PNRC1: variants seen among roughly 807,000 people sequenced by gnomAD.
PNRC1 encodes the protein proline rich nuclear receptor coactivator 1.
PNRC1 carries 6 observed loss-of-function variants against 20.2 expected under a neutral mutation model. That is an observed-to-expected ratio of 0.30 (90% CI 0.16 to 0.59). The LOEUF is 0.59. Among genes scored for constraint, PNRC1 ranks in the 20% least tolerant of loss-of-function variants. The pLI, the probability that PNRC1 is intolerant of heterozygous loss-of-function variation, is 0.89. For synonymous variants in PNRC1, 202 were observed against 186.9 expected (o/e 1.08, Z -0.66); for missense variants, 488 against 430.2 (o/e 1.13, Z -1.19).
chr6:89,080,798 C>A lies in PNRC1; in HGVS notation c.-97C>A. 3 of 1,176,928 alleles carry A rather than the reference C, an allele frequency of 2.5e-6. No individual in the cohort carries two copies. Among genetic ancestry groups the A allele is most frequent in the Non-Finnish European group, 3.7e-6 (3 of 809,800 alleles). 72.9% of individuals were successfully genotyped at this position (1,176,928 alleles called of 1,614,324 possible). A position where few individuals can be genotyped will look rare whatever the true frequency, so the allele number is the denominator to read the frequency against. On this transcript the variant is annotated 5_prime_UTR_variant, in exon 1 of 2. Transcript: ENST00000336032. ...AGTCATGTTCCGCGATCTTCTCAGGCTCTCCTAGCAGCATCCATCGCCGCC... is the reference window on the plus strand; with the variant it reads ...AGTCATGTTCCGCGATCTTCTCAGGATCTCCTAGCAGCATCCATCGCCGCC...
Position 89,084,195 on chromosome 6 carries a change from A to G in PNRC1, c.983A>G (p.Ter328TrpextTer74). Residue 328 changes from the stop codon to tryptophan (W), a stop_lost, in exon 2 of 2, where the codon TAG becomes TGG. Coordinates refer to ENST00000336032, the MANE Select transcript of PNRC1 (RefSeq NM_006813.3). The part of the protein sequence containing the change: ...HLKTLLKVQT[*>W] Reference sequence around the variant, plus strand: ...AAAACGCTCCTCAAAGTTCAAACTTAGATTTCAGATTTCAGTATGTGTGTA... The same window carrying G: ...AAAACGCTCCTCAAAGTTCAAACTTGGATTTCAGATTTCAGTATGTGTGTA... The G allele has an allele frequency of 6.4e-7, 1 of 1,559,922 alleles. No homozygotes were observed. Among genetic ancestry groups the G allele is most frequent in the Non-Finnish European group, 8.7e-7 (1 of 1,153,374 alleles).
chr6:89,084,298 A>G lies in PNRC1; in HGVS notation c.*102A>G, dbSNP rs1768068051. On this transcript the variant is annotated 3_prime_UTR_variant, in exon 2 of 2. Transcript: ENST00000336032. Reference sequence around the variant, plus strand: ...GGAAATTTGCCTTGTTGCAACATACAATTGCAAAAGATGAGTTTAAAAAAT... The same window carrying G: ...GGAAATTTGCCTTGTTGCAACATACGATTGCAAAAGATGAGTTTAAAAAAT... 1 of 721,148 alleles carries G rather than the reference A, an allele frequency of 1.4e-6. No individual in the cohort carries two copies. The highest frequency in any genetic ancestry group is 2.7e-5 in the East Asian group (1 of 36,412). The allele number at this position is 721,148 out of a possible 1,614,324, so 44.7% of individuals were successfully genotyped here.
Position 89,080,993 on chromosome 6 carries a change from G to A in PNRC1, c.99G>A (p.Pro33=). 1 of 1,613,070 alleles carries A rather than the reference G, an allele frequency of 6.2e-7. No individual in the cohort carries two copies. The highest frequency in any genetic ancestry group is 8.5e-7 in the Non-Finnish European group (1 of 1,179,944). ...FSSRGYFGAL[P]MVTTAPPPLP... ...CCCGAGGTTACTTTGGGGCCCTCCCGATGGTGACCACGGCTCCGCCTCCTT... is the reference window on the plus strand; with the variant it reads ...CCCGAGGTTACTTTGGGGCCCTCCCAATGGTGACCACGGCTCCGCCTCCTT... Residue 33 remains proline, a synonymous_variant, in exon 1 of 2, where the codon CCG becomes CCA. Transcript: ENST00000336032.
rs1164203211 is a variant in PNRC1 at position 89,085,088 on chromosome 6, A to T, written c.*892A>T. On this transcript the variant is annotated 3_prime_UTR_variant, in exon 2 of 2. Transcript: ENST00000336032. The stretch of plus-strand genomic sequence containing the variant: ...TGGAGATTGCAATTGAGCTAGGATC[A>T]GGCCACTGCACTCCAGCCTGGGTAA... 6.6e-6 allele frequency: 1 copy of T among 152,214 alleles called. No individual in the cohort carries two copies. The highest frequency in any genetic ancestry group is 1.9e-4 in the East Asian group (1 of 5,202). 9.4% of individuals were successfully genotyped at this position (152,214 alleles called of 1,614,324 possible). A position where few individuals can be genotyped will look rare whatever the true frequency, so the allele number is the denominator to read the frequency against.
At chr6:89,083,449 A>G (rs1411746375) in intron 1 of PNRC1, among the ~76,000 whole-genome samples, 1 of 152,078 alleles carries the variant, frequency 6.6e-6, no homozygotes, top group African/African-American at 2.4e-5. Flanking sequence ...TCTCTCTCTC[A>G]ACCCCCCTTC....
chr6:89,082,311 C>T (rs1344727752), intron 1 of PNRC1: 1 of 152,212 alleles, frequency 6.6e-6, no homozygotes, highest in East Asian at 1.9e-4. Context: ...GTTTTATGGA[C>T]TTAAGTTCAA....
rs1458036109 is a variant in PNRC1, at chr6:89,084,663, C to T, written c.*467C>T. On this transcript the variant is annotated 3_prime_UTR_variant, in exon 2 of 2. Transcript: ENST00000336032. Reference sequence around the variant, plus strand: ...ATCAATGTAAGCATGGGGTTTGTTTCTCTAAATTGATTTGTAATCTGAAAT... The same window carrying T: ...ATCAATGTAAGCATGGGGTTTGTTTTTCTAAATTGATTTGTAATCTGAAAT... The T allele has an allele frequency of 6.5e-6, 1 of 152,766 alleles. No homozygotes were observed. Among genetic ancestry groups the T allele is most frequent in the African/African-American group, 2.4e-5 (1 of 41,426 alleles). 9.5% of individuals were successfully genotyped at this position (152,766 alleles called of 1,614,324 possible).
chr6:89,083,721 C>T (rs1160179234), intron 1 of PNRC1, 32 bp from the exon 2 acceptor site: 1 of 1,478,500 alleles, frequency 6.8e-7, no homozygotes, highest in South Asian at 1.3e-5. Context: ...TATCTAGAAA[C>T]TATATTTACT....
Position 89,081,388 on chromosome 6 carries a change from C to G in PNRC1, c.494C>G (p.Ala165Gly). ...AGTEGASPDL[A>G]PLRPAAPGQT... Reference sequence around the variant, plus strand: ...ACGGAGGGAGCCAGCCCCGACCTTGCCCCGCTGCGGCCCGCGGCTCCCGGC... The same window carrying G: ...ACGGAGGGAGCCAGCCCCGACCTTGGCCCGCTGCGGCCCGCGGCTCCCGGC... The change falls in exon 1 of 2, where the codon GCC becomes GGC. Residue 165 changes from alanine (A) to glycine (G), a missense_variant. Coordinates refer to ENST00000336032, the MANE Select transcript of PNRC1 (RefSeq NM_006813.3). 7.3e-7 allele frequency: 1 copy of G among 1,364,522 alleles called. No homozygotes were observed. The highest frequency in any genetic ancestry group is 9.4e-7 in the Non-Finnish European group (1 of 1,067,522). 84.5% of individuals were successfully genotyped at this position (1,364,522 alleles called of 1,614,324 possible).
chr6:89,084,941 G>A lies in PNRC1; in HGVS notation c.*745G>A, dbSNP rs976212116. 1.3e-5 allele frequency: 2 copies of A among 152,224 alleles called. No individual in the cohort carries two copies. The highest frequency in any genetic ancestry group is 4.8e-5 in the African/African-American group (2 of 41,434). The allele number at this position is 152,224 out of a possible 1,614,324, so 9.4% of individuals were successfully genotyped here. A position where few individuals can be genotyped will look rare whatever the true frequency, so the allele number is the denominator to read the frequency against. ...TTTTGACTTCTACTTTACTGGCTGA[G>A]TGTGAGCCGCCATGCCTGGCCATAA... On this transcript the variant is annotated 3_prime_UTR_variant, in exon 2 of 2. Coordinates refer to ENST00000336032, the MANE Select transcript of PNRC1 (RefSeq NM_006813.3).
In PNRC1 at chr6:89,080,910, G is replaced by A. The variant is rs905796221; in HGVS notation, c.16G>A (p.Val6Ile). Reference protein sequence around the residue: MTVVSVPQREPLVLGG... With the variant: MTVVSIPQREPLVLGG... ...TCCTAGCGCTATGACTGTCGTCTCC[G>A]TCCCGCAGCGGGAGCCGCTCGTCCT... Residue 6 changes from valine (V) to isoleucine (I), a missense_variant, in exon 1 of 2, where the codon GTC (valine) becomes ATC (isoleucine). Coordinates refer to ENST00000336032, the MANE Select transcript of PNRC1 (RefSeq NM_006813.3). The A allele has an allele frequency of 2.5e-6, 4 of 1,611,666 alleles. No homozygotes were observed. The African/African-American group carries it at 5.3e-5, about 22-fold the overall frequency.
intron 1 of PNRC1, among the ~76,000 whole-genome samples, chr6:89,083,357 A>G (rs918498126): frequency 1.3e-5 from 2 of 152,202 alleles, no homozygotes; most frequent in African/African-American, 2.4e-5. Context: ...GGTTTGCTAC[A>G]TGGGTATATT....
At chr6:89,082,480 CACG>C (rs1276066208) in intron 1 of PNRC1, 1 of 152,164 alleles carries the variant, frequency 6.6e-6, no homozygotes, top group African/African-American at 2.4e-5. Context: ...TTTAAAATTC[CACG>C]ACTTTTGAAA....
intron 1 of PNRC1, chr6:89,081,867 A>C (rs1039608872): frequency 2.0e-5 from 3 of 152,896 alleles, no homozygotes; most frequent in African/African-American, 7.2e-5. Context: ...CTGGGGAAGG[A>C]CTGGGCCCGG....
rs780216247 is a variant in PNRC1, at chr6:89,081,212, C to T, written c.318C>T (p.Pro106=). 3.2e-6 allele frequency: 5 copies of T among 1,559,694 alleles called. No homozygotes were observed. In the Admixed American group the frequency reaches 7.5e-5, roughly 23 times the overall value. The change falls in exon 1 of 2, where the codon CCC becomes CCT. Residue 106 remains proline, a synonymous_variant. Coordinates refer to ENST00000336032, the MANE Select transcript of PNRC1 (RefSeq NM_006813.3). ...KRRKKKVRAS[P]AGQLPSRFHQ... The stretch of plus-strand genomic sequence containing the variant: ...GAAAGAAGAAGGTGCGGGCCAGCCC[C>T]GCAGGGCAGCTGCCCAGCCGCTTCC...
In PNRC1 at chr6:89,081,016, CT is replaced by C; in HGVS notation, c.125del (p.Leu42TyrfsTer20). 6.2e-7 allele frequency: 1 copy of C among 1,612,446 alleles called. No homozygotes were observed. ...CCGATGGTGACCACGGCTCCGCCTC[CT>C]TTACCCCGGATCCCGGACCCCCGGG... ...ALPMVTTAPP[P>X]LPRIPDPRAL... is the part of the protein sequence containing the mutation. On this transcript the variant is annotated frameshift_variant, in exon 1 of 2. Transcript: ENST00000336032. LOFTEE classifies it high-confidence loss of function.
chr6:89,082,724 G>A (rs1472918745), intron 1 of PNRC1: 1 of 152,168 alleles, frequency 6.6e-6, no homozygotes, highest in Non-Finnish European at 1.5e-5. Flanking sequence ...ACTTAAGTTG[G>A]GAAAGATTAA....
Position 89,084,405 on chromosome 6 carries a change from G to C in PNRC1, c.*209G>C. 2.2e-6 allele frequency: 1 copy of C among 450,826 alleles called. No individual in the cohort carries two copies. The highest frequency in any genetic ancestry group is 3.9e-5 in the East Asian group (1 of 25,928). The allele number at this position is 450,826 out of a possible 1,614,324, so 27.9% of individuals were successfully genotyped here. Reference sequence around the variant, plus strand: ...TTATGTGTATATTGTTCATACTTGAGAGGTATATTATAGTTTTGTTATGAA... The same window carrying C: ...TTATGTGTATATTGTTCATACTTGACAGGTATATTATAGTTTTGTTATGAA... On this transcript the variant is annotated 3_prime_UTR_variant, in exon 2 of 2. Coordinates refer to ENST00000336032, the MANE Select transcript of PNRC1 (RefSeq NM_006813.3).
At position 89,083,789 on chromosome 6, in the gene PNRC1, G is replaced by A. The variant is rs769517420; in HGVS notation, c.577G>A (p.Ala193Thr). The change falls in exon 2 of 2, where the codon GCC becomes ACC. Residue 193 changes from alanine (A) to threonine (T), a missense_variant. Ala to Thr is a moderately conservative substitution (Grantham distance 58). Transcript: ENST00000336032. ...AAAGATGGGAAAATCGGAGAAAATT[G>A]CCCTTCCCCATGGCCAGCTTGTTCA... ...KSKMGKSEKI[A>T]LPHGQLVHGI... 3.1e-6 allele frequency: 5 copies of A among 1,588,312 alleles called. No individual in the cohort carries two copies. Among genetic ancestry groups the A allele is most frequent in the Admixed American group, 1.9e-5 (1 of 53,240 alleles).
Sources: gnomAD v4.1 joint callset for allele counts (sites outside exome capture counted in the v4.1 genomes callset) on GRCh38, gnomAD v4.1.1 for gene constraint, MANE v1.5 for transcripts, NCBI Gene and HGNC (gene_info 2026-07-23, HGNC 2026-07-21) for gene names.